Variants in COL28A1 observed in about 807,000 individuals in gnomAD.
The protein encoded by COL28A1 is collagen type XXVIII alpha 1 chain.
In COL28A1, 161 loss-of-function variants were observed where a neutral mutation model predicts 150.2. The observed-to-expected ratio is 1.07, with a 90% CI of 0.94 to 1.22. The LOEUF is 1.22. Ranked by LOEUF, COL28A1 falls within the 50% of genes most tolerant of loss-of-function variation. COL28A1 has a pLI of 0.00. For synonymous variants in COL28A1, 552 were observed against 469.7 expected (o/e 1.18, Z -2.26); for missense variants, 1,617 against 1,388.3 (o/e 1.16, Z -2.62).
chr7:7,431,728 C>A, intron 25 of COL28A1: 1 of 415,766 alleles, frequency 2.4e-6, no homozygotes, highest in Non-Finnish European at 5.1e-6. Flanking sequence ...ACTCTTCCTG[C>A]TAAGTTATAG....
At position 7,464,865 on chromosome 7, in the gene COL28A1, T is replaced by C. The variant is rs192452441; in HGVS notation, c.1303-8753A>G. 7.4e-4 allele frequency among the ~76,000 whole-genome samples: 113 copies of C among 152,194 alleles called. 1 individual carries two copies. Among genetic ancestry groups the C allele is most frequent in the African/African-American group, 2.5e-3 (104 of 41,528 alleles). ...GATAAATGAAACAAAAACTGGTTCT[T>C]TGAAAAGATAAATTGATAGACCATC... On this transcript the variant is annotated intron_variant, in intron 15 of 34. Coordinates refer to ENST00000399429, the MANE Select transcript of COL28A1 (RefSeq NM_001037763.3).
chr7:7,515,271 A>C (rs1182206328), intron 8 of COL28A1, among the ~76,000 whole-genome samples: 2 of 152,200 alleles, frequency 1.3e-5, no homozygotes, highest in Non-Finnish European at 2.9e-5. Context: ...CCTAACTTGT[A>C]ACTCGCAAAT....
intron 13 of COL28A1, among the ~76,000 whole-genome samples, chr7:7,477,944 C>T (rs1789052669): frequency 6.6e-6 from 1 of 152,096 alleles, no homozygotes; most frequent in South Asian, 2.1e-4. Context: ...GTTTACAATC[C>T]CTGAGCTAGA....
intron 18 of COL28A1, among the ~76,000 whole-genome samples, chr7:7,447,986 G>A (rs1786394572): frequency 6.6e-6 from 1 of 152,136 alleles, no homozygotes; most frequent in African/African-American, 2.4e-5. Context: ...AGGATCTCTT[G>A]AACCCAGGAG....
intron 14 of COL28A1, among the ~76,000 whole-genome samples, chr7:7,475,293 C>T (rs917316152): frequency 1.3e-5 from 2 of 152,062 alleles, no homozygotes; most frequent in Non-Finnish European, 2.9e-5. Context: ...TCAGAAGCAG[C>T]ATTCATTTAA....
intron 29 of COL28A1, 39 bp downstream of exon 29, chr7:7,380,742 TA>T: frequency 1.9e-6 from 3 of 1,612,750 alleles, no homozygotes; most frequent in Non-Finnish European, 2.5e-6. Flanking sequence ...TGGAACCAGT[TA>T]GAGTATAAAA....
At chr7:7,367,957 T>C (rs1562475710) in intron 33 of COL28A1, among the ~76,000 whole-genome samples, 1 of 151,946 alleles carries the variant, frequency 6.6e-6, no homozygotes, top group African/African-American at 2.4e-5. Context: ...TCAATCACTA[T>C]ATCCTGTTAA....
chr7:7,418,890 G>A (rs558025889), intron 26 of COL28A1, among the ~76,000 whole-genome samples: 13 of 152,176 alleles, frequency 8.5e-5, no homozygotes, highest in South Asian at 4.2e-4. Context: ...ATAGCATACC[G>A]CCAAAATTGA....
At chr7:7,418,195 G>A (rs543060691) in intron 26 of COL28A1, among the ~76,000 whole-genome samples, 14 of 152,322 alleles carry the variant, frequency 9.2e-5, no homozygotes, top group South Asian at 2.1e-4. Flanking sequence ...GAGGCCCAGG[G>A]CCTCATCTGC....
intron 9 of COL28A1, 64 bp from the exon 10 acceptor site, chr7:7,507,225 G>T: frequency 1.3e-6 from 1 of 774,410 alleles, no homozygotes; most frequent in South Asian, 1.6e-5. Flanking sequence ...GTGATTTTAG[G>T]TAGGAGGGAA....
chr7:7,521,803 T>C, intron 5 of COL28A1, 102 bp downstream of exon 5: 4 of 744,318 alleles, frequency 5.4e-6, no homozygotes, highest in Non-Finnish European at 9.9e-6. Context: ...TTCCAAACAA[T>C]TGCTTTTCAG....
chr7:7,522,584 G>GA (rs1308847103), intron 4 of COL28A1, among the ~76,000 whole-genome samples: 1 of 152,084 alleles, frequency 6.6e-6, no homozygotes, highest in East Asian at 1.9e-4. Context: ...TGAAATGGGA[G>GA]AAAATTCCAG....
At chr7:7,340,060 G>A in the COL28A1 span, among the ~76,000 whole-genome samples, 18 of 151,016 alleles carry the variant, frequency 1.2e-4, no homozygotes, top group African/African-American at 3.9e-4. Flanking sequence ...GTGTGATCTC[G>A]GCTCACTCCA....
Position 7,531,334 on chromosome 7 carries a change from C to T in COL28A1, c.681+14G>A. On this transcript the variant is annotated intron_variant, in intron 3 of 34. Coordinates refer to ENST00000399429, the MANE Select transcript of COL28A1 (RefSeq NM_001037763.3). ...TATGATGATAACTGTATAATCAACC[C>T]ATTAGGTACCTACCAGACGATCTTG... 5 of 1,150,634 alleles carry T rather than the reference C, an allele frequency of 4.3e-6. No homozygotes were observed. Among genetic ancestry groups the T allele is most frequent in the Non-Finnish European group, 6.3e-6 (5 of 793,104 alleles). The allele number at this position is 1,150,634 out of a possible 1,614,324, so 71.3% of individuals were successfully genotyped here.
intron 1 of COL28A1, 37 bp from the exon 2 acceptor site, chr7:7,532,949 A>G (rs888186491): frequency 2.8e-6 from 4 of 1,437,622 alleles, no homozygotes; most frequent in Non-Finnish European, 3.7e-6. Context: ...ACTTTAATAA[A>G]ATATGGTGTT....
In COL28A1 at chr7:7,360,539, A is replaced by T. The variant is rs749648676; in HGVS notation, c.3067-11T>A. On this transcript the variant is annotated splice_polypyrimidine_tract_variant and intron_variant, in intron 33 of 34. Transcript: ENST00000399429. Reference sequence around the variant, plus strand: ...TCTGGTGACACTCAACTACACAAAAATATTCACATTTTGTGTTTCTGATAA... The same window carrying T: ...TCTGGTGACACTCAACTACACAAAATTATTCACATTTTGTGTTTCTGATAA... 1.3e-6 allele frequency: 2 copies of T among 1,589,988 alleles called. No individual in the cohort carries two copies. Among genetic ancestry groups the T allele is most frequent in the Non-Finnish European group, 1.7e-6 (2 of 1,173,040 alleles).
At chr7:7,536,183 A>G (rs1408326123), upstream of COL28A1, among the ~76,000 whole-genome samples, 2 of 152,156 alleles carry the variant, frequency 1.3e-5, no homozygotes, top group Non-Finnish European at 2.9e-5. Flanking sequence ...TCTGTGAAGG[A>G]GTATAAATGA....
chr7:7,420,653 G>C (rs1784346872), intron 25 of COL28A1, among the ~76,000 whole-genome samples: 1 of 152,198 alleles, frequency 6.6e-6, no homozygotes, highest in Non-Finnish European at 1.5e-5. Flanking sequence ...TCTAGTTTAT[G>C]TAACTTCTCT....
At chr7:7,444,371 T>A (rs923703567) in intron 19 of COL28A1, 47 bp downstream of exon 19, 15 of 1,609,400 alleles carry the variant, frequency 9.3e-6, no homozygotes, top group Non-Finnish European at 7.6e-6. Flanking sequence ...AGATATCAGT[T>A]TGGTTCAACA....
Sources: gnomAD v4.1 joint callset for allele counts (sites outside exome capture counted in the v4.1 genomes callset) on GRCh38, gnomAD v4.1.1 for gene constraint, MANE v1.5 for transcripts, NCBI Gene and HGNC (gene_info 2026-07-23, HGNC 2026-07-21) for gene names.